The following CFAP92 variants were observed in gnomAD, a reference collection of about 807,000 sequenced individuals.
The protein encoded by CFAP92 is uncharacterized protein CFAP92.
Under a neutral mutation model 106.3 loss-of-function variants are expected in CFAP92, and 86 were observed. That is an observed-to-expected ratio of 0.81 (90% CI 0.68 to 0.97). The LOEUF (loss-of-function observed/expected upper bound fraction) is 0.97. CFAP92 is among the 50% of genes least tolerant of loss of function. The pLI is 0.00. For synonymous variants in CFAP92, 477 were observed against 506.4 expected, an observed-to-expected ratio of 0.94 and a Z score of 0.78; for missense variants, 1,204 against 1,283.8, an observed-to-expected ratio of 0.94 and a Z score of 0.95.
chr3:129,011,217 T>G, the CFAP92 span, among the ~76,000 whole-genome samples: 1 of 152,168 alleles, frequency 6.6e-6, no homozygotes, highest in Non-Finnish European at 1.5e-5. Context: ...CTTGCTGTTG[T>G]GTTGAAAGTG....
intron 11 of CFAP92, among the ~76,000 whole-genome samples, chr3:128,934,820 T>C (rs1048909616): frequency 6.6e-6 from 1 of 152,142 alleles, no homozygotes; most frequent in Non-Finnish European, 1.5e-5. Flanking sequence ...TGTGAGCCAC[T>C]GTGCCCAGCC....
intron 1 of CFAP92, among the ~76,000 whole-genome samples, chr3:129,000,076 G>A (rs984222281): frequency 5.3e-5 from 8 of 152,148 alleles, no homozygotes; most frequent in Non-Finnish European, 8.8e-5. Context: ...GCTCATCCTC[G>A]TTTGCTGAGT....
chr3:128,993,922 G>T lies in CFAP92; in HGVS notation c.-33+58C>A, dbSNP rs1019113152. ...CGAGGCGAGGCGGGAAGAGTCCCGG[G>T]CTGCGGCGGCCGAGGTGGGGGCAGG... On this transcript the variant is annotated intron_variant, in intron 1 of 15. Transcript: ENST00000645291. 1.0e-5 allele frequency: 10 copies of T among 980,990 alleles called. No individual in the cohort carries two copies. In the South Asian group the frequency reaches 4.2e-4, roughly 41 times the overall value. 60.8% of individuals were successfully genotyped at this position (980,990 alleles called of 1,614,324 possible).
At chr3:129,017,891 G>A in the CFAP92 span, among the ~76,000 whole-genome samples, 2 of 152,286 alleles carry the variant, frequency 1.3e-5, no homozygotes, top group South Asian at 4.1e-4. Context: ...ACATTTCACT[G>A]GAAAGAAAGT....
chr3:129,023,762 G>C, the CFAP92 span, among the ~76,000 whole-genome samples: 1 of 152,234 alleles, frequency 6.6e-6, no homozygotes, highest in Admixed American at 6.5e-5. Context: ...GACCAAAAAT[G>C]TCTGCAGCTT....
chr3:129,025,903 A>T, the CFAP92 span, among the ~76,000 whole-genome samples: 2 of 152,230 alleles, frequency 1.3e-5, no homozygotes, highest in Non-Finnish European at 2.9e-5. Flanking sequence ...ACCCACTGAC[A>T]ACGGCAGCTG....
intron 15 of CFAP92, chr3:128,912,903 A>G: frequency 1.8e-6 from 1 of 569,012 alleles, no homozygotes; most frequent in Non-Finnish European, 3.4e-6. Context: ...CATAGTGGAA[A>G]CTGGGGCTTA....
chr3:128,977,937 T>A, intron 5 of CFAP92, 108 bp downstream of exon 5: 1 of 1,420,894 alleles, frequency 7.0e-7, no homozygotes, highest in Non-Finnish European at 9.7e-7. Context: ...CTGCTGCCAA[T>A]ACACAGGAGG....
chr3:128,913,840 T>C (rs1437784056), intron 15 of CFAP92, among the ~76,000 whole-genome samples: 2 of 152,162 alleles, frequency 1.3e-5, no homozygotes, highest in African/African-American at 4.8e-5. Flanking sequence ...AAATGAAGCA[T>C]GCATACCTCT....
chr3:129,021,510 G>T, the CFAP92 span, among the ~76,000 whole-genome samples: 2 of 152,142 alleles, frequency 1.3e-5, no homozygotes, highest in African/African-American at 4.8e-5. Flanking sequence ...GGAGGCGGAG[G>T]TTGTGGTGAG....
chr3:128,921,838 A>G (rs1937317637), intron 12 of CFAP92, among the ~76,000 whole-genome samples: 1 of 151,990 alleles, frequency 6.6e-6, no homozygotes, highest in South Asian at 2.1e-4. Context: ...ACATACAACA[A>G]TTGTCTCCCA....
intron 1 of CFAP92, chr3:128,993,687 GCCT>G (rs1167649058): frequency 3.1e-6 from 1 of 327,472 alleles, no homozygotes; most frequent in African/African-American, 2.1e-5. Flanking sequence ...GCTCAGGCAG[GCCT>G]GCTGCGCCTA....
chr3:128,909,994 C>T lies in CFAP92; in HGVS notation c.*305G>A. 1 of 1,611,640 alleles carries T rather than the reference C, an allele frequency of 6.2e-7. No homozygotes were observed. The highest frequency in any genetic ancestry group is 8.5e-7 in the Non-Finnish European group (1 of 1,179,326). On this transcript the variant is annotated 3_prime_UTR_variant, in exon 16 of 16. Coordinates refer to ENST00000645291, the MANE Select transcript of CFAP92 (RefSeq NM_001394090.1). The stretch of plus-strand genomic sequence containing the variant: ...TGGGGGACTGGTCTAGGTAGTGAGT[C>T]CCCACTTGGAGCCTCTGTGATCCCA...
At chr3:128,978,731 CT>C (rs1309254697) in intron 4 of CFAP92, among the ~76,000 whole-genome samples, 4 of 152,180 alleles carry the variant, frequency 2.6e-5, no homozygotes, top group Admixed American at 1.3e-4. Flanking sequence ...ACAAATGGTG[CT>C]GGGAAAACTG....
At chr3:128,941,656 T>TAAAA (rs2107721469) in intron 10 of CFAP92, among the ~76,000 whole-genome samples, 1 of 152,244 alleles carries the variant, frequency 6.6e-6, no homozygotes, top group South Asian at 2.1e-4. Context: ...TTTGTATTTT[T>TAAAA]AGTAGAGATG....
chr3:129,017,480 G>A, the CFAP92 span, among the ~76,000 whole-genome samples: 1 of 152,230 alleles, frequency 6.6e-6, no homozygotes, highest in Non-Finnish European at 1.5e-5. Context: ...ACCCTTGGCC[G>A]GGTCTGGACC....
chr3:128,959,226 TA>T (rs1225014869), intron 9 of CFAP92, among the ~76,000 whole-genome samples: 1 of 151,132 alleles, frequency 6.6e-6, no homozygotes, highest in Non-Finnish European at 1.5e-5. Context: ...AATAAATAAA[TA>T]AAATAAAAAA....
intron 7 of CFAP92, among the ~76,000 whole-genome samples, chr3:128,972,305 G>A (rs1942860566): frequency 6.6e-6 from 1 of 151,498 alleles, no homozygotes; most frequent in African/African-American, 2.4e-5. Context: ...GCAATGGCAC[G>A]ATCGAGGCTC....
At position 128,945,816 on chromosome 3, in the gene CFAP92, G is replaced by T. The variant is rs1434022319; in HGVS notation, c.1513C>A (p.Pro505Thr). 6.6e-7 allele frequency: 1 copy of T among 1,521,140 alleles called. No individual in the cohort carries two copies. Among genetic ancestry groups the T allele is most frequent in the Non-Finnish European group, 8.8e-7 (1 of 1,140,108 alleles). 94.2% of individuals were successfully genotyped at this position (1,521,140 alleles called of 1,614,324 possible). The change falls in exon 10 of 16, where the codon CCC (proline) becomes ACC (threonine). Residue 505 changes from proline (P) to threonine (T), a missense_variant. By Grantham distance (38) the Pro-to-Thr change is conservative (BLOSUM62 -1). Transcript: ENST00000645291. ...TCGTGAACTTCCACCACCATGGGGG[G>T]GCCCTCCAGGTATTCCCTTAGGTCA... ...PSDLREYLEG[P>T]PMVVEVHDRD... is the part of the protein sequence containing the mutation.
Sources: allele counts gnomAD v4.1 joint callset (sites outside exome capture counted in the v4.1 genomes callset), GRCh38; gene constraint gnomAD v4.1.1; transcripts MANE v1.5; gene names NCBI Gene and HGNC (gene_info 2026-07-23, HGNC 2026-07-21).